The following NDST4 variants were observed in gnomAD, a reference collection of about 807,000 sequenced individuals.
NDST4 encodes N-heparan sulfate sulfotransferase 4.
In NDST4, 63 loss-of-function variants were observed where a neutral mutation model predicts 100.8. The ratio of observed to expected loss-of-function variants is 0.62; its 90% CI spans 0.51 to 0.77. The LOEUF (loss-of-function observed/expected upper bound fraction) is 0.77. NDST4 is among the 30% of genes least tolerant of loss of function. The pLI, the probability that NDST4 is intolerant of heterozygous loss-of-function variation, is 0.00. For synonymous variants in NDST4, 377 were observed against 361.8 expected (o/e 1.04, Z -0.48); for missense variants, 943 against 1,018.4 (o/e 0.93, Z 1.01).
chr4:115,073,280 G>A (rs1458281341), intron 2 of NDST4, among the ~76,000 whole-genome samples: 1 of 151,894 alleles, frequency 6.6e-6, no homozygotes, highest in African/African-American at 2.4e-5. Flanking sequence ...ATTAAAAATG[G>A]AACTACCATA....
chr4:115,001,160 A>T (rs961930775), intron 2 of NDST4, among the ~76,000 whole-genome samples: 1 of 152,044 alleles, frequency 6.6e-6, no homozygotes, highest in Admixed American at 6.6e-5. Flanking sequence ...TAGAGTGATC[A>T]CTTTTGCTTT....
chr4:114,879,385 G>C (rs1049441455), intron 6 of NDST4, among the ~76,000 whole-genome samples: 1 of 152,112 alleles, frequency 6.6e-6, no homozygotes, highest in Non-Finnish European at 1.5e-5. Context: ...AGTTCAATTA[G>C]TAGATTTGAG....
chr4:115,024,487 T>C (rs1430875651), intron 2 of NDST4, among the ~76,000 whole-genome samples: 1 of 152,262 alleles, frequency 6.6e-6, no homozygotes, highest in Non-Finnish European at 1.5e-5. Flanking sequence ...TAGTTACCCA[T>C]CTTTTCTCAC....
chr4:115,093,354 A>G (rs541577359), intron 1 of NDST4, among the ~76,000 whole-genome samples: 152 of 152,192 alleles, frequency 1.0e-3, no homozygotes, highest in African/African-American at 3.4e-3. Context: ...GGGTGCCTGT[A>G]GTCCCAGCTA....
At chr4:115,025,830 T>C (rs541002280) in intron 2 of NDST4, among the ~76,000 whole-genome samples, 2 of 152,164 alleles carry the variant, frequency 1.3e-5, no homozygotes, top group Admixed American at 1.3e-4. Context: ...TACATATCTA[T>C]GCGGTACGAT....
chr4:115,013,346 CATATATAT>C (rs200801455), intron 2 of NDST4, among the ~76,000 whole-genome samples: 36 of 65,350 alleles, frequency 5.5e-4, no homozygotes, highest in African/African-American at 1.2e-3. Flanking sequence ...ATATAAATAC[CATATATAT>C]ATATATATAT....
chr4:114,961,798 T>TA lies in NDST4; in HGVS notation c.1221+8631dup, dbSNP rs1360808954. On this transcript the variant is annotated intron_variant, in intron 4 of 13. Transcript: ENST00000264363. ...TTGTGACTTCTCTTCCCTTTATACA[T>TA]AAAAAAAGAAGAGCAAAGAATATTT... 2.6e-5 allele frequency among the ~76,000 whole-genome samples: 4 copies of TA among 151,832 alleles called. No individual in the cohort carries two copies. In the South Asian group the frequency reaches 8.3e-4, roughly 31 times the overall value.
intron 2 of NDST4, among the ~76,000 whole-genome samples, chr4:114,989,766 C>T (rs975839654): frequency 6.6e-6 from 1 of 151,954 alleles, no homozygotes; most frequent in Non-Finnish European, 1.5e-5. Flanking sequence ...AGATTTGGGA[C>T]GTAGTTTGAA....
chr4:114,836,192 A>G (rs939192062), intron 11 of NDST4, among the ~76,000 whole-genome samples: 4 of 152,068 alleles, frequency 2.6e-5, no homozygotes, highest in East Asian at 1.9e-4. Context: ...ACTTAATACA[A>G]TTTCTTCATA....
intron 4 of NDST4, among the ~76,000 whole-genome samples, chr4:114,958,709 G>A (rs954762582): frequency 1.3e-5 from 2 of 152,104 alleles, no homozygotes; most frequent in African/African-American, 4.8e-5. Context: ...TACTGGAGAC[G>A]TTTTCCCCAT....
At chr4:114,858,213 C>T (rs1723839790) in intron 7 of NDST4, among the ~76,000 whole-genome samples, 1 of 152,176 alleles carries the variant, frequency 6.6e-6, no homozygotes, top group East Asian at 1.9e-4. Flanking sequence ...CTTAGTGAAA[C>T]ATTGATTATA....
intron 2 of NDST4, among the ~76,000 whole-genome samples, chr4:115,031,657 G>A (rs1728118705): frequency 2.0e-5 from 3 of 152,054 alleles, no homozygotes; most frequent in African/African-American, 7.2e-5. Context: ...AAGTATGCAA[G>A]CTTAAAGTAG....
chr4:115,076,054 C>T lies in NDST4; in HGVS notation c.978+5G>A. On this transcript the variant is annotated splice_donor_5th_base_variant and intron_variant, in intron 2 of 13. Transcript: ENST00000264363. ...AATTTCGATGTTGTCTATAAATAAG[C>T]TTACCTTCACATCTTTGACATTCAT... 1 of 1,596,490 alleles carries T rather than the reference C, an allele frequency of 6.3e-7. No individual in the cohort carries two copies. The highest frequency in any genetic ancestry group is 8.5e-7 in the Non-Finnish European group (1 of 1,171,720).
chr4:114,904,032 A>G (rs1159478963), intron 6 of NDST4, among the ~76,000 whole-genome samples: 1 of 152,046 alleles, frequency 6.6e-6, no homozygotes, highest in Non-Finnish European at 1.5e-5. Context: ...CCCTGATGTC[A>G]CATGCCTTTC....
At chr4:115,099,849 A>G (rs1381513745) in intron 1 of NDST4, among the ~76,000 whole-genome samples, 2 of 152,148 alleles carry the variant, frequency 1.3e-5, no homozygotes, top group African/African-American at 4.8e-5. Context: ...TCACACAAAA[A>G]TTTGCACACA....
chr4:114,838,648 T>C (rs1229097362), intron 11 of NDST4, among the ~76,000 whole-genome samples: 1 of 151,994 alleles, frequency 6.6e-6, no homozygotes, highest in African/African-American at 2.4e-5. Flanking sequence ...GAGGGGAACA[T>C]CACACACTGT....
intron 11 of NDST4, among the ~76,000 whole-genome samples, chr4:114,838,047 T>C (rs59005547): frequency 0.72 from 109,316 of 152,214 alleles, 40,157 homozygotes; most frequent in African/African-American, 0.86. Context: ...GACATTTATG[T>C]GATCAACAAA....
chr4:115,011,988 A>T (rs1042971437), intron 2 of NDST4, among the ~76,000 whole-genome samples: 1 of 151,788 alleles, frequency 6.6e-6, no homozygotes, highest in African/African-American at 2.4e-5. Flanking sequence ...AGAGAGAAAA[A>T]TGTGTATGTG....
intron 7 of NDST4, among the ~76,000 whole-genome samples, chr4:114,859,574 C>T (rs1012657441): frequency 1.6e-4 from 24 of 152,302 alleles, no homozygotes; most frequent in East Asian, 3.9e-4. Context: ...CTCCTCTGAA[C>T]TTTGCCAGCT....
Sources: gnomAD v4.1 joint callset for allele counts (sites outside exome capture counted in the v4.1 genomes callset) on GRCh38, gnomAD v4.1.1 for gene constraint, MANE v1.5 for transcripts, NCBI Gene and HGNC (gene_info 2026-07-23, HGNC 2026-07-21) for gene names.